The following SLC22A9 variants were observed in gnomAD, a reference collection of about 807,000 sequenced individuals.
SLC22A9 encodes the protein solute carrier family 22 member 9, also known as organic anion transporter 7.
A neutral mutation model predicts 50.1 loss-of-function variants in SLC22A9; 64 were observed. The observed-to-expected ratio is 1.28, with a 90% CI of 1.04 to 1.57. The LOEUF (loss-of-function observed/expected upper bound fraction) is 1.57, where lower values mean the gene tolerates loss of function less well. Among genes scored for constraint, SLC22A9 ranks in the 40% most tolerant of loss-of-function variants. SLC22A9 has a pLI of 0.00. For synonymous variants in SLC22A9, 261 were observed against 242.5 expected, an observed-to-expected ratio of 1.08 and a Z score of -0.71; for missense variants, 757 against 676.1, an observed-to-expected ratio of 1.12 and a Z score of -1.33.
Position 63,376,560 on chromosome 11 carries a change from A to G in SLC22A9, c.954+792A>G, listed in dbSNP as rs17158192. 8.8e-3 allele frequency among the ~76,000 whole-genome samples: 1,337 copies of G among 152,130 alleles called. 9 individuals are homozygous for G. Among genetic ancestry groups the G allele is most frequent in the African/African-American group, 0.018 (764 of 41,516 alleles). ...GAATGAAGCTTTTGCTATGACAGAG[A>G]ATATCAATGGACAGATTTAAATCCA... On this transcript the variant is annotated intron_variant, in intron 5 of 9. Transcript: ENST00000279178.
chr11:63,381,967 T>C (rs755372660), intron 5 of SLC22A9, among the ~76,000 whole-genome samples, 192 bp from the exon 6 acceptor site: 11 of 152,178 alleles, frequency 7.2e-5, no homozygotes, highest in Non-Finnish European at 1.2e-4. Context: ...CATAATTTCC[T>C]GGAGGCTGCT....
intron 4 of SLC22A9, 98 bp downstream of exon 4, chr11:63,374,160 C>A: frequency 2.6e-6 from 3 of 1,163,950 alleles, no homozygotes; most frequent in Non-Finnish European, 3.5e-6. Context: ...TTGTGTAAAC[C>A]TGAGAGCACG....
chr11:63,405,190 G>T (rs956861550), intron 6 of SLC22A9, among the ~76,000 whole-genome samples: 1 of 152,158 alleles, frequency 6.6e-6, no homozygotes, highest in African/African-American at 2.4e-5. Flanking sequence ...GAAATCAGGT[G>T]TGGGTCACTT....
chr11:63,370,149 A>G lies in SLC22A9; in HGVS notation c.93A>G (p.Thr31=), dbSNP rs1394324611. 2 of 1,613,902 alleles carry G rather than the reference A, an allele frequency of 1.2e-6. No individual in the cohort carries two copies. The highest frequency in any genetic ancestry group is 1.7e-6 in the Non-Finnish European group (2 of 1,179,946). The change falls in exon 1 of 10, where the codon ACA becomes ACG. Residue 31 remains threonine, a synonymous_variant. Transcript: ENST00000279178. ...TVFLSIFAVA[T]YLHFMLENFT... ...TTCTCTCAATCTTTGCTGTTGCTAC[A>G]TACCTTCATTTTATGCTGGAGAACT...
At chr11:63,371,344 G>T in intron 2 of SLC22A9, 106 bp downstream of exon 2, 4 of 893,010 alleles carry the variant, frequency 4.5e-6, no homozygotes, top group East Asian at 5.5e-5. Context: ...TCCTGAGGCT[G>T]CCCTGATCCC....
chr11:63,378,463 C>A (rs1004519852), intron 5 of SLC22A9, among the ~76,000 whole-genome samples: 1 of 151,976 alleles, frequency 6.6e-6, no homozygotes, highest in African/African-American at 2.4e-5. Context: ...GAGAACCAGG[C>A]AAGACAAGGA....
chr11:63,371,715 G>A (rs1187142492), intron 2 of SLC22A9, among the ~76,000 whole-genome samples: 1 of 152,120 alleles, frequency 6.6e-6, no homozygotes, highest in East Asian at 1.9e-4. Context: ...TATCATTGGT[G>A]GTGTGTTGAA....
At chr11:63,396,485 CA>C (rs1457062071) in intron 6 of SLC22A9, among the ~76,000 whole-genome samples, 2 of 152,122 alleles carry the variant, frequency 1.3e-5, no homozygotes, top group Admixed American at 6.6e-5. Flanking sequence ...GGTGCGTGTT[CA>C]GGGGTGGAGG....
intron 6 of SLC22A9, among the ~76,000 whole-genome samples, chr11:63,397,884 T>C (rs966789654): frequency 6.8e-6 from 1 of 146,972 alleles, no homozygotes; most frequent in African/African-American, 2.5e-5. Flanking sequence ...CTATGGTGGC[T>C]GAGTTGGTAC....
chr11:63,375,369 A>G (rs1017520479), intron 4 of SLC22A9, among the ~76,000 whole-genome samples: 1 of 152,176 alleles, frequency 6.6e-6, no homozygotes, highest in Admixed American at 6.6e-5. Context: ...ACGGTCCTTC[A>G]TGCTGCAGTG....
At chr11:63,401,298 G>C (rs575287266) in intron 6 of SLC22A9, among the ~76,000 whole-genome samples, 1 of 152,134 alleles carries the variant, frequency 6.6e-6, no homozygotes, top group South Asian at 2.1e-4. Flanking sequence ...AAAAAATTCA[G>C]TAAAGTCGCA....
At position 63,409,006 on chromosome 11, in the gene SLC22A9, C is replaced by T. The variant is rs2015089375; in HGVS notation, c.1601+127C>T. On this transcript the variant is annotated intron_variant, in intron 9 of 9. Coordinates refer to ENST00000279178, the MANE Select transcript of SLC22A9 (RefSeq NM_080866.3). Reference sequence around the variant, plus strand: ...TAGACTTAGGATTTTCCCATGTAATCAGTGCCTTAGGTCTAGGTACAGCCA... The same window carrying T: ...TAGACTTAGGATTTTCCCATGTAATTAGTGCCTTAGGTCTAGGTACAGCCA... 5.9e-6 allele frequency: 6 copies of T among 1,022,532 alleles called. No homozygotes were observed. In the East Asian group the frequency reaches 1.4e-4, roughly 24 times the overall value. 63.3% of individuals were successfully genotyped at this position (1,022,532 alleles called of 1,614,324 possible).
chr11:63,371,839 G>T (rs2014365059), intron 2 of SLC22A9, among the ~76,000 whole-genome samples: 1 of 152,108 alleles, frequency 6.6e-6, no homozygotes, highest in Admixed American at 6.6e-5. Flanking sequence ...GAAGTTTGGG[G>T]TATTCACCTT....
intron 6 of SLC22A9, among the ~76,000 whole-genome samples, chr11:63,392,815 G>C (rs1267719448): frequency 1.3e-5 from 2 of 152,072 alleles, no homozygotes; most frequent in African/African-American, 4.8e-5. Flanking sequence ...ACCAAATGTT[G>C]ATATTCTCAT....
chr11:63,370,268 C>G lies in SLC22A9; in HGVS notation c.212C>G (p.Ala71Gly), dbSNP rs776059657. ...DNDTGALSQD[A>G]LLRISIPLDS... The stretch of plus-strand genomic sequence containing the variant: ...GACACTGGGGCCCTCAGCCAAGATG[C>G]ACTCTTGAGAATCTCCATCCCACTG... The change falls in exon 1 of 10, where the codon GCA becomes GGA. Residue 71 changes from alanine (A) to glycine (G), a missense_variant. By Grantham distance (60) the Ala-to-Gly change is moderately conservative. Transcript: ENST00000279178. The G allele has an allele frequency of 6.2e-7, 1 of 1,614,040 alleles. No individual in the cohort carries two copies.
At chr11:63,386,163 C>T (rs1176828186) in intron 6 of SLC22A9, among the ~76,000 whole-genome samples, 1 of 152,042 alleles carries the variant, frequency 6.6e-6, no homozygotes, top group Non-Finnish European at 1.5e-5. Flanking sequence ...GGTTAATAAG[C>T]TTTTTTGTGT....
At chr11:63,391,707 G>A (rs778464811) in intron 6 of SLC22A9, among the ~76,000 whole-genome samples, 17 of 151,680 alleles carry the variant, frequency 1.1e-4, no homozygotes, top group South Asian at 4.2e-4. Flanking sequence ...TTTAAATACA[G>A]TGGATGTCTT....
At chr11:63,403,083 T>C (rs2014977035) in intron 6 of SLC22A9, among the ~76,000 whole-genome samples, 1 of 152,096 alleles carries the variant, frequency 6.6e-6, no homozygotes, top group South Asian at 2.1e-4. Flanking sequence ...ATTCTAAGAA[T>C]TTCAGACTAT....
At chr11:63,375,539 C>G (rs2119876519) in intron 4 of SLC22A9, 106 bp from the exon 5 acceptor site, 1 of 1,475,250 alleles carries the variant, frequency 6.8e-7, no homozygotes, top group African/African-American at 1.4e-5. Flanking sequence ...TAAAACCAAA[C>G]AAGTGGTGGA....
Sources: gnomAD v4.1 joint callset for allele counts (sites outside exome capture counted in the v4.1 genomes callset) on GRCh38, gnomAD v4.1.1 for gene constraint, MANE v1.5 for transcripts, NCBI Gene and HGNC (gene_info 2026-07-23, HGNC 2026-07-21) for gene names.